The following ZMIZ1 variants were observed in gnomAD, a reference collection of about 807,000 sequenced individuals.
ZMIZ1 encodes zinc finger MIZ domain-containing protein 1.
Under a neutral mutation model 113.9 loss-of-function variants are expected in ZMIZ1, and 17 were observed. That is an observed-to-expected ratio of 0.15 (90% CI 0.10 to 0.22). The LOEUF (loss-of-function observed/expected upper bound fraction) is 0.22. Among genes scored for constraint, ZMIZ1 ranks in the 10% least tolerant of loss-of-function variants. The probability of loss-of-function intolerance (pLI) is 1.00; values close to 1 mark genes in which losing one functional copy is unlikely to be tolerated. For missense variants in ZMIZ1, 1,059 were observed against 1,477.8 expected, an observed-to-expected ratio of 0.72 and a Z score of 4.65; for synonymous variants, 607 against 603.1, an observed-to-expected ratio of 1.01 and a Z score of -0.09.
At chr10:79,208,784 G>GTCATTCAT (rs60235004) in intron 6 of ZMIZ1, among the ~76,000 whole-genome samples, 9 of 151,922 alleles carry the variant, frequency 5.9e-5, no homozygotes, top group Non-Finnish European at 1.0e-4. Flanking sequence ...TTTTTATCCA[G>GTCATTCAT]TCATTCATTC....
chr10:79,088,655 G>A (rs1307296895), intron 1 of ZMIZ1, among the ~76,000 whole-genome samples: 1 of 152,202 alleles, frequency 6.6e-6, no homozygotes, highest in Non-Finnish European at 1.5e-5. Context: ...CCTGGGCCAG[G>A]ACTACTGTTC....
intron 1 of ZMIZ1, among the ~76,000 whole-genome samples, chr10:79,117,732 C>T (rs1844115704): frequency 6.6e-6 from 1 of 152,170 alleles, no homozygotes; most frequent in African/African-American, 2.4e-5. Flanking sequence ...TGTGCCCCAC[C>T]AGCAGAAGGG....
chr10:79,313,758 C>G lies in ZMIZ1; in HGVS notation c.*1009C>G, dbSNP rs3824718. The G allele has an allele frequency of 0.36, 115,128 of 319,686 alleles. 21,292 individuals carry two copies. The highest frequency in any genetic ancestry group is 0.49 in the East Asian group (5,932 of 12,078). The allele number at this position is 319,686 out of a possible 1,614,324, so 19.8% of individuals were successfully genotyped here. Reference sequence around the variant, plus strand: ...AGCAAACCATTTCTCTCCGTCTGTTCTGTTTTTCTCCTAGTCCCTCTCCTG... The same window carrying G: ...AGCAAACCATTTCTCTCCGTCTGTTGTGTTTTTCTCCTAGTCCCTCTCCTG... On this transcript the variant is annotated 3_prime_UTR_variant, in exon 25 of 25. Transcript: ENST00000334512.
intron 1 of ZMIZ1, among the ~76,000 whole-genome samples, chr10:79,097,816 C>T (rs1253220475): frequency 6.7e-6 from 1 of 150,028 alleles, no homozygotes; most frequent in African/African-American, 2.4e-5. Flanking sequence ...CTGTGGGCTG[C>T]TTGGATGCTA....
intron 4 of ZMIZ1, among the ~76,000 whole-genome samples, chr10:79,197,883 TC>T (rs1847909454): frequency 6.6e-6 from 1 of 152,016 alleles, no homozygotes; most frequent in Admixed American, 6.6e-5. Context: ...GACCAAGAGT[TC>T]CTTGAACACA....
Position 79,306,333 on chromosome 10 carries a change from ACAG to A in ZMIZ1, c.2662_2664del (p.Ser888del). The A allele has an allele frequency of 6.2e-7, 1 of 1,609,976 alleles. No homozygotes were observed. Among genetic ancestry groups the A allele is most frequent in the South Asian group, 1.1e-5 (1 of 91,076 alleles). On this transcript the variant is annotated inframe_deletion, in exon 22 of 25. Coordinates refer to ENST00000334512, the MANE Select transcript of ZMIZ1 (RefSeq NM_020338.4). ...CCAGGGGGCACCAACTCCAACGACT[ACAG>A]CAGCCAAGGTGGGTGATGCCAGGCA...
intron 3 of ZMIZ1, among the ~76,000 whole-genome samples, chr10:79,155,872 C>T (rs944857952): frequency 2.0e-4 from 30 of 152,374 alleles, no homozygotes; most frequent in Non-Finnish European, 2.6e-4. Flanking sequence ...AAAGACTGCC[C>T]GAGGGACGGT....
At chr10:79,247,578 T>C (rs1850284396) in intron 7 of ZMIZ1, among the ~76,000 whole-genome samples, 1 of 152,186 alleles carries the variant, frequency 6.6e-6, no homozygotes, top group South Asian at 2.1e-4. Context: ...ACCCTGGGGC[T>C]TCTCTAAGCC....
intron 7 of ZMIZ1, among the ~76,000 whole-genome samples, chr10:79,230,510 C>T (rs935457359): frequency 2.0e-5 from 3 of 152,224 alleles, no homozygotes; most frequent in African/African-American, 7.2e-5. Flanking sequence ...CTCAGATGTG[C>T]GCCCCAGATG....
At chr10:79,290,622 C>T in intron 9 of ZMIZ1, 1 of 480,784 alleles carries the variant, frequency 2.1e-6, no homozygotes, top group Non-Finnish European at 4.0e-6. Flanking sequence ...GGCCAGGGCT[C>T]TCCCCACGGG....
chr10:79,148,207 A>C (rs1336154611), intron 3 of ZMIZ1, among the ~76,000 whole-genome samples: 2 of 152,188 alleles, frequency 1.3e-5, no homozygotes, highest in African/African-American at 4.8e-5. Flanking sequence ...CAAAAGATAC[A>C]TCCCTCACCC....
At position 79,125,998 on chromosome 10, in the gene ZMIZ1, G is replaced by A. The variant is rs74615351; in HGVS notation, c.-227+6974G>A. On this transcript the variant is annotated intron_variant, in intron 2 of 24. Transcript: ENST00000334512. Reference sequence around the variant, plus strand: ...AGAAAGGCAGGACTGACCCTGAAGGGCCAAGGAAGCTCTGGGGACCTGTGG... The same window carrying A: ...AGAAAGGCAGGACTGACCCTGAAGGACCAAGGAAGCTCTGGGGACCTGTGG... Among the ~76,000 whole-genome samples the A allele has an allele frequency of 8.7e-3, 1,323 of 152,302 alleles. 16 individuals carry two copies. The highest frequency in any genetic ancestry group is 0.03 in the African/African-American group (1,254 of 41,554).
At chr10:79,131,380 T>G (rs1844761587) in intron 2 of ZMIZ1, among the ~76,000 whole-genome samples, 1 of 152,134 alleles carries the variant, frequency 6.6e-6, no homozygotes. Flanking sequence ...GCAGCCACAC[T>G]GGAAGGTTTT....
At chr10:79,269,231 T>C (rs1332257091) in intron 7 of ZMIZ1, among the ~76,000 whole-genome samples, 4 of 152,164 alleles carry the variant, frequency 2.6e-5, no homozygotes, top group Middle Eastern at 3.2e-3. Context: ...TGTGGCCTTT[T>C]GTAAGCTCAT....
At chr10:79,244,657 A>G (rs1186023636) in intron 7 of ZMIZ1, among the ~76,000 whole-genome samples, 1 of 152,170 alleles carries the variant, frequency 6.6e-6, no homozygotes, top group Non-Finnish European at 1.5e-5. Flanking sequence ...TTCCAGCAGG[A>G]AGGCTTTGTG....
At chr10:79,174,436 C>T (rs192936238) in intron 4 of ZMIZ1, among the ~76,000 whole-genome samples, 1 of 152,344 alleles carries the variant, frequency 6.6e-6, no homozygotes, top group Admixed American at 6.5e-5. Flanking sequence ...TAGATTGCAC[C>T]TCCATTTGAT....
chr10:79,106,087 G>A (rs750487752), intron 1 of ZMIZ1, among the ~76,000 whole-genome samples: 5 of 152,234 alleles, frequency 3.3e-5, no homozygotes, highest in Non-Finnish European at 5.9e-5. Flanking sequence ...AACCACTCTC[G>A]TGGAGAGTCT....
chr10:79,155,023 C>T (rs1791983653), intron 3 of ZMIZ1, among the ~76,000 whole-genome samples: 1 of 152,098 alleles, frequency 6.6e-6, no homozygotes, highest in Admixed American at 6.5e-5. Flanking sequence ...TCTTAGTATC[C>T]CCCATTTTAC....
At chr10:79,104,206 G>A (rs961822408) in intron 1 of ZMIZ1, among the ~76,000 whole-genome samples, 2 of 152,226 alleles carry the variant, frequency 1.3e-5, no homozygotes, top group African/African-American at 4.8e-5. Flanking sequence ...CAGGGTCTCC[G>A]TGTGAAACAC....
Sources: allele counts gnomAD v4.1 joint callset (sites outside exome capture counted in the v4.1 genomes callset), GRCh38; gene constraint gnomAD v4.1.1; transcripts MANE v1.5; gene names NCBI Gene and HGNC (gene_info 2026-07-23, HGNC 2026-07-21).